The following SGCZ variants were observed in gnomAD, a reference collection of about 807,000 sequenced individuals.
The protein encoded by SGCZ is zeta-sarcoglycan.
In SGCZ, 40 loss-of-function variants were observed where a neutral mutation model predicts 41.3. That is an observed-to-expected ratio of 0.97 (90% CI 0.75 to 1.26). SGCZ has a LOEUF of 1.26. SGCZ is among the 50% of genes most tolerant of loss of function. The pLI is 0.00. For missense variants in SGCZ, 552 were observed against 369.8 expected (o/e 1.49, Z -4.04); for synonymous variants, 206 against 137.5 (o/e 1.50, Z -3.49).
chr8:14,379,187 A>T (rs930284300), intron 2 of SGCZ, among the ~76,000 whole-genome samples: 2 of 152,170 alleles, frequency 1.3e-5, no homozygotes, highest in Admixed American at 1.3e-4. Context: ...ACCAATTTTT[A>T]TTTGCTGAAG....
chr8:14,197,064 T>C (rs1213746158), intron 4 of SGCZ, among the ~76,000 whole-genome samples: 1 of 152,118 alleles, frequency 6.6e-6, no homozygotes, highest in Non-Finnish European at 1.5e-5. Flanking sequence ...TTGCTAAAAA[T>C]CATTAAAATG....
intron 1 of SGCZ, among the ~76,000 whole-genome samples, chr8:14,845,287 C>T (rs1344949960): frequency 6.6e-6 from 1 of 152,124 alleles, no homozygotes; most frequent in Non-Finnish European, 1.5e-5. Context: ...TATTCCTACA[C>T]TGAGTACTGC....
At chr8:14,613,557 T>G (rs1301638976) in intron 1 of SGCZ, among the ~76,000 whole-genome samples, 2 of 152,306 alleles carry the variant, frequency 1.3e-5, no homozygotes, top group East Asian at 3.9e-4. Context: ...CAAGAGCTGA[T>G]AAATTCTTTC....
chr8:14,303,914 G>A (rs1234115300), intron 3 of SGCZ, among the ~76,000 whole-genome samples: 1 of 151,870 alleles, frequency 6.6e-6, no homozygotes, highest in Admixed American at 6.6e-5. Context: ...ACCAAGCCCA[G>A]CTAATTTTTC....
intron 1 of SGCZ, among the ~76,000 whole-genome samples, chr8:15,080,212 G>T (rs1311882665): frequency 6.6e-6 from 1 of 152,118 alleles, no homozygotes; most frequent in African/African-American, 2.4e-5. Flanking sequence ...TATGACACAA[G>T]ATTTCCAATA....
At chr8:15,022,404 C>T (rs1170242516) in intron 1 of SGCZ, among the ~76,000 whole-genome samples, 1 of 152,000 alleles carries the variant, frequency 6.6e-6, no homozygotes, top group Non-Finnish European at 1.5e-5. Flanking sequence ...AGTGCAGTGG[C>T]ACAATCTCGG....
chr8:15,117,113 T>C (rs946719353), intron 1 of SGCZ, among the ~76,000 whole-genome samples: 1 of 152,214 alleles, frequency 6.6e-6, no homozygotes, highest in Admixed American at 6.5e-5. Flanking sequence ...GGCTCATGCC[T>C]GTAATCCCAG....
At chr8:14,881,220 T>C (rs939578490) in intron 1 of SGCZ, among the ~76,000 whole-genome samples, 2 of 152,196 alleles carry the variant, frequency 1.3e-5, no homozygotes, top group Non-Finnish European at 2.9e-5. Flanking sequence ...AAGTATGTTT[T>C]AGAGGCCTTC....
chr8:14,426,002 A>G (rs993575304), intron 2 of SGCZ, among the ~76,000 whole-genome samples: 2 of 152,030 alleles, frequency 1.3e-5, no homozygotes, highest in African/African-American at 4.8e-5. Flanking sequence ...ATTAATTAAC[A>G]TTAATTAACA....
At chr8:14,580,490 T>C (rs1447955429) in intron 1 of SGCZ, among the ~76,000 whole-genome samples, 1 of 152,126 alleles carries the variant, frequency 6.6e-6, no homozygotes, top group Non-Finnish European at 1.5e-5. Flanking sequence ...GAAGAAAAAT[T>C]CTAAGGGAAA....
At chr8:14,419,362 C>T (rs1799579029) in intron 2 of SGCZ, among the ~76,000 whole-genome samples, 1 of 151,846 alleles carries the variant, frequency 6.6e-6, no homozygotes, top group Non-Finnish European at 1.5e-5. Context: ...TACGTCTTTC[C>T]TCACTTAGCA....
chr8:14,760,846 A>G (rs1319500176), intron 1 of SGCZ, among the ~76,000 whole-genome samples: 1 of 152,184 alleles, frequency 6.6e-6, no homozygotes, highest in Non-Finnish European at 1.5e-5. Flanking sequence ...AAATTAATTG[A>G]GGGCCCTGTT....
At chr8:14,740,894 C>A (rs1263719034) in intron 1 of SGCZ, among the ~76,000 whole-genome samples, 1 of 151,942 alleles carries the variant, frequency 6.6e-6, no homozygotes, top group Admixed American at 6.6e-5. Context: ...GAGGTTTCTT[C>A]GCCAGCACCC....
At chr8:14,319,148 C>T (rs903074911) in intron 3 of SGCZ, among the ~76,000 whole-genome samples, 1 of 151,680 alleles carries the variant, frequency 6.6e-6, no homozygotes. Context: ...GTAGAAGAAA[C>T]CAACGAATAA....
At chr8:14,473,874 C>T (rs1387180314) in intron 2 of SGCZ, among the ~76,000 whole-genome samples, 4 of 150,160 alleles carry the variant, frequency 2.7e-5, no homozygotes, top group Non-Finnish European at 5.9e-5. Context: ...GGAGACAGAG[C>T]TTGCAGTGAG....
chr8:14,431,418 A>T (rs1799939062), intron 2 of SGCZ, among the ~76,000 whole-genome samples: 2 of 152,096 alleles, frequency 1.3e-5, no homozygotes, highest in Non-Finnish European at 1.5e-5. Flanking sequence ...TTGACAAAGC[A>T]AACAAAGACA....
intron 1 of SGCZ, among the ~76,000 whole-genome samples, chr8:14,923,601 C>T (rs1585382565): frequency 6.6e-6 from 1 of 152,108 alleles, no homozygotes; most frequent in African/African-American, 2.4e-5. Flanking sequence ...TTCTCTACTT[C>T]ACTGCATAAG....
At chr8:14,508,585 G>T (rs1205505273) in intron 2 of SGCZ, among the ~76,000 whole-genome samples, 1 of 152,114 alleles carries the variant, frequency 6.6e-6, no homozygotes, top group Non-Finnish European at 1.5e-5. Context: ...TGGGGAAAAT[G>T]AAAATTCCAT....
chr8:14,596,138 G>T (rs767213655), intron 1 of SGCZ, among the ~76,000 whole-genome samples: 5 of 152,206 alleles, frequency 3.3e-5, no homozygotes, highest in Non-Finnish European at 7.3e-5. Context: ...AATGATGAGT[G>T]AGAATATACT....
Sources: gnomAD v4.1 joint callset for allele counts (sites outside exome capture counted in the v4.1 genomes callset) on GRCh38, gnomAD v4.1.1 for gene constraint, MANE v1.5 for transcripts, NCBI Gene and HGNC (gene_info 2026-07-23, HGNC 2026-07-21) for gene names.